B3GALT5: variants seen among roughly 807,000 people sequenced by gnomAD.
The protein encoded by B3GALT5 is UDP-Gal:betaGlcNAc beta 1,3-galactosyltransferase, polypeptide 5.
For synonymous variants in B3GALT5, 156 were observed against 158.6 expected (o/e 0.98, Z 0.12); for missense variants, 328 against 396.6 (o/e 0.83, Z 1.47).
intron 1 of B3GALT5, among the ~76,000 whole-genome samples, chr21:39,635,045 C>T (rs2146194072): frequency 1.3e-5 from 2 of 152,262 alleles, no homozygotes; most frequent in South Asian, 4.2e-4. Context: ...CCATCTGCAA[C>T]AAAACTGAGG....
At chr21:39,626,729 C>T (rs2079165865) in intron 1 of B3GALT5, among the ~76,000 whole-genome samples, 1 of 152,124 alleles carries the variant, frequency 6.6e-6, no homozygotes, top group African/African-American at 2.4e-5. Flanking sequence ...TATTGGCCAT[C>T]TGTATATCTT....
chr21:39,639,462 T>TTC (rs1555926237), intron 1 of B3GALT5, among the ~76,000 whole-genome samples: 1,439 of 132,458 alleles, frequency 0.011, 54 homozygotes, highest in African/African-American at 0.031. Flanking sequence ...CTTTTTTTCT[T>TTC]TCTCTCTCTC....
At chr21:39,632,225 A>G (rs2837102) in intron 1 of B3GALT5, among the ~76,000 whole-genome samples, 20,965 of 152,130 alleles carry the variant, frequency 0.14, 1,787 homozygotes, top group East Asian at 0.33. Context: ...CTTACCCTTT[A>G]TGGTGATTCT....
intron 1 of B3GALT5, among the ~76,000 whole-genome samples, chr21:39,643,025 C>T (rs2079303489): frequency 6.6e-6 from 1 of 151,038 alleles, no homozygotes; most frequent in Non-Finnish European, 1.5e-5. Context: ...GCACTCCAGC[C>T]TGGGCGAAAG....
chr21:39,646,967 G>T (rs1057390724), intron 2 of B3GALT5, among the ~76,000 whole-genome samples: 1 of 152,226 alleles, frequency 6.6e-6, no homozygotes, highest in Non-Finnish European at 1.5e-5. Context: ...TGGGTGTGGT[G>T]GTGCATGCCT....
chr21:39,660,432 C>T (rs1018655277), intron 3 of B3GALT5, 128 bp from the exon 4 acceptor site: 3 of 714,558 alleles, frequency 4.2e-6, no homozygotes, highest in Non-Finnish European at 6.2e-6. Flanking sequence ...CAGCACCCGA[C>T]TTCTGTATGC....
At position 39,667,204 on chromosome 21, in the gene B3GALT5, T is replaced by C. The variant is rs1372609498; in HGVS notation, c.*5712T>C. The stretch of plus-strand genomic sequence containing the variant: ...GAGCTTCGCAGTGCCCTCAATTTGC[T>C]AAGTTAACTTTGGCCACGCCGTCCG... On this transcript the variant is annotated 3_prime_UTR_variant, in exon 4 of 4. Coordinates refer to ENST00000684187, the MANE Select transcript of B3GALT5 (RefSeq NM_001356336.2). 2.0e-5 allele frequency: 3 copies of C among 152,210 alleles called. No homozygotes were observed. The highest frequency in any genetic ancestry group is 7.2e-5 in the African/African-American group (3 of 41,436). 9.4% of individuals were successfully genotyped at this position (152,210 alleles called of 1,614,324 possible).
Position 39,660,595 on chromosome 21 carries a change from C to T in B3GALT5, c.36C>T (p.Cys12=). Residue 12 remains cysteine, a synonymous_variant, in exon 4 of 4, where the codon TGC becomes TGT. Transcript: ENST00000684187. ...CGAAGATGAGATTGATGTATATTTG[C>T]CTTCTGGTTCTGGGGGCTCTTTGTT... ...AFPKMRLMYI[C]LLVLGALCLY... 1 of 1,442,582 alleles carries T rather than the reference C, an allele frequency of 6.9e-7. No homozygotes were observed. The highest frequency in any genetic ancestry group is 9.1e-7 in the Non-Finnish European group (1 of 1,095,594). The allele number at this position is 1,442,582 out of a possible 1,614,324, so 89.4% of individuals were successfully genotyped here.
intron 1 of B3GALT5, among the ~76,000 whole-genome samples, chr21:39,615,342 G>A (rs762520905): frequency 5.9e-5 from 9 of 152,204 alleles, no homozygotes; most frequent in Non-Finnish European, 1.0e-4. Context: ...TGGGTAAGAT[G>A]ATTTATAGAG....
At chr21:39,637,021 C>A (rs1355630269) in intron 1 of B3GALT5, among the ~76,000 whole-genome samples, 3 of 152,124 alleles carry the variant, frequency 2.0e-5, no homozygotes, top group African/African-American at 7.2e-5. Flanking sequence ...TTGGAGGGAC[C>A]CTGCCCTTGA....
chr21:39,661,636 T>A lies in B3GALT5; in HGVS notation c.*144T>A. On this transcript the variant is annotated 3_prime_UTR_variant, in exon 4 of 4. Transcript: ENST00000684187. The surrounding 1 kb of genome is among the most constrained non-coding windows in gnomAD (Gnocchi z 4.7). ...AGAATGTCGGTGTTCATGAAGTCACTGATTAGTTCCCACTTGGTGCCCCAG... is the reference window on the plus strand; with the variant it reads ...AGAATGTCGGTGTTCATGAAGTCACAGATTAGTTCCCACTTGGTGCCCCAG... 1.3e-6 allele frequency: 1 copy of A among 787,872 alleles called. No homozygotes were observed. The highest frequency in any genetic ancestry group is 1.9e-6 in the Non-Finnish European group (1 of 535,708). The allele number at this position is 787,872 out of a possible 1,614,324, so 48.8% of individuals were successfully genotyped here.
At chr21:39,641,829 C>T (rs1490310731) in intron 1 of B3GALT5, among the ~76,000 whole-genome samples, 2 of 152,176 alleles carry the variant, frequency 1.3e-5, no homozygotes, top group African/African-American at 4.8e-5. Flanking sequence ...GTCATTCAGG[C>T]TTATAAGTCC....
intron 1 of B3GALT5, among the ~76,000 whole-genome samples, chr21:39,636,106 G>A (rs1371312666): frequency 6.6e-6 from 1 of 152,050 alleles, no homozygotes; most frequent in African/African-American, 2.4e-5. Flanking sequence ...GTTTACTATC[G>A]GGCAATTTGC....
Position 39,667,192 on chromosome 21 carries a change from C to T in B3GALT5, c.*5700C>T, listed in dbSNP as rs2079585167. On this transcript the variant is annotated 3_prime_UTR_variant, in exon 4 of 4. Coordinates refer to ENST00000684187, the MANE Select transcript of B3GALT5 (RefSeq NM_001356336.2). Reference sequence around the variant, plus strand: ...TGCCTATTTAACGAGCTTCGCAGTGCCCTCAATTTGCTAAGTTAACTTTGG... The same window carrying T: ...TGCCTATTTAACGAGCTTCGCAGTGTCCTCAATTTGCTAAGTTAACTTTGG... 1 of 152,188 alleles carries T rather than the reference C, an allele frequency of 6.6e-6. No individual in the cohort carries two copies. Among genetic ancestry groups the T allele is most frequent in the Non-Finnish European group, 1.5e-5 (1 of 68,036 alleles). 9.4% of individuals were successfully genotyped at this position (152,188 alleles called of 1,614,324 possible).
At chr21:39,642,229 A>G (rs2079295656) in intron 1 of B3GALT5, among the ~76,000 whole-genome samples, 1 of 152,256 alleles carries the variant, frequency 6.6e-6, no homozygotes, top group African/African-American at 2.4e-5. Context: ...CACGAGAATT[A>G]TTAATTGAAG....
intron 2 of B3GALT5, among the ~76,000 whole-genome samples, chr21:39,652,084 G>C (rs2079400946): frequency 6.6e-6 from 1 of 152,144 alleles, no homozygotes; most frequent in South Asian, 2.1e-4. Flanking sequence ...GTCCAATTCT[G>C]TTCCTCCCCC....
In B3GALT5 at chr21:39,645,839, G is replaced by T. The variant is rs573157259; in HGVS notation, c.-391-553G>T. On this transcript the variant is annotated intron_variant, in intron 1 of 3. Transcript: ENST00000684187. ...GCATCCCTGTTAGCCAAACTGTCCC[G>T]ACCCGGGGCAGATCGCTTTGTTAGT... Among the ~76,000 whole-genome samples the T allele has an allele frequency of 2.0e-5, 3 of 152,006 alleles. No homozygotes were observed. The East Asian group carries it at 5.8e-4, about 29-fold the overall frequency.
At chr21:39,627,338 G>C (rs2079169580) in intron 1 of B3GALT5, among the ~76,000 whole-genome samples, 1 of 152,176 alleles carries the variant, frequency 6.6e-6, no homozygotes, top group Non-Finnish European at 1.5e-5. Context: ...TGCTATCTTT[G>C]CCCATGAACT....
chr21:39,616,451 T>C (rs1180811548), intron 1 of B3GALT5, among the ~76,000 whole-genome samples: 4 of 152,242 alleles, frequency 2.6e-5, no homozygotes, highest in African/African-American at 9.6e-5. Context: ...TGAAAACTTT[T>C]AATCCACTGC....
Sources: gnomAD v4.1 joint callset for allele counts (sites outside exome capture counted in the v4.1 genomes callset) on GRCh38, gnomAD v4.1.1 for gene constraint, Gnocchi (gnomAD v3.1) non-coding constraint, MANE v1.5 for transcripts, NCBI Gene and HGNC (gene_info 2026-07-23, HGNC 2026-07-21) for gene names.